NMNAT3: variants seen among roughly 807,000 people sequenced by gnomAD.
NMNAT3 encodes nicotinamide nucleotide adenylyltransferase 3.
NMNAT3 carries 21 observed loss-of-function variants against 24.8 expected under a neutral mutation model. That is an observed-to-expected ratio of 0.85 (90% CI 0.60 to 1.22). The LOEUF (loss-of-function observed/expected upper bound fraction) is 1.22. NMNAT3 is among the 50% of genes most tolerant of loss of function. The pLI is 0.00. For missense variants in NMNAT3, 387 were observed against 436.6 expected, an observed-to-expected ratio of 0.89 and a Z score of 1.01; for synonymous variants, 136 against 155.2, an observed-to-expected ratio of 0.88 and a Z score of 0.92.
At chr3:139,589,202 A>C (rs1368727946) in intron 3 of NMNAT3, among the ~76,000 whole-genome samples, 1 of 152,230 alleles carries the variant, frequency 6.6e-6, no homozygotes, top group Non-Finnish European at 1.5e-5. Flanking sequence ...CTAGAGGTTT[A>C]ATATAGGAGG....
At chr3:139,612,312 GCA>G (rs1403849916) in intron 3 of NMNAT3, among the ~76,000 whole-genome samples, 1 of 152,148 alleles carries the variant, frequency 6.6e-6, no homozygotes, top group Non-Finnish European at 1.5e-5. Context: ...CTCATGGCTA[GCA>G]AGAGTTCACT....
At chr3:139,640,233 G>A (rs996586336) in intron 1 of NMNAT3, among the ~76,000 whole-genome samples, 1 of 152,196 alleles carries the variant, frequency 6.6e-6, no homozygotes, top group African/African-American at 2.4e-5. Flanking sequence ...GAAGGGGCTA[G>A]TGTCCCAGTG....
intron 1 of NMNAT3, among the ~76,000 whole-genome samples, chr3:139,657,103 G>T (rs1017468246): frequency 6.6e-6 from 1 of 152,154 alleles, no homozygotes; most frequent in Admixed American, 6.5e-5. Flanking sequence ...ATCCCAAGTT[G>T]TGGTACTAGG....
At chr3:139,596,791 C>T (rs747634728) in intron 3 of NMNAT3, among the ~76,000 whole-genome samples, 2 of 151,496 alleles carry the variant, frequency 1.3e-5, no homozygotes, top group South Asian at 2.1e-4. Context: ...CAGAGCAGGC[C>T]GAGCTGCTGC....
rs1559842322 is a variant in NMNAT3 at position 139,561,165 on chromosome 3, C to T, written c.886G>A (p.Ala296Thr). Residue 296 changes from alanine (A) to threonine (T), a missense_variant, in exon 7 of 7, where the codon GCC becomes ACC. Transcript: ENST00000643695. ...CCCAAGGCTCGCCTGATGTATGTGG[C>T]ACTGATCTCATTCTGCACAGGCTCC... 1.3e-5 allele frequency: 21 copies of T among 1,614,060 alleles called. No homozygotes were observed. The highest frequency in any genetic ancestry group is 1.7e-5 in the Non-Finnish European group (20 of 1,180,042).
intron 1 of NMNAT3, among the ~76,000 whole-genome samples, chr3:139,643,309 C>T (rs2056768250): frequency 2.6e-5 from 4 of 152,118 alleles, no homozygotes; most frequent in Admixed American, 2.0e-4. Context: ...TATGGAGGTT[C>T]CTTAAAAGAT....
chr3:139,657,016 A>G (rs541430950), intron 1 of NMNAT3, among the ~76,000 whole-genome samples: 1 of 152,332 alleles, frequency 6.6e-6, no homozygotes, highest in East Asian at 1.9e-4. Context: ...TATCTTTAAT[A>G]TTTGCAGATA....
chr3:139,641,352 T>G (rs541254350), intron 1 of NMNAT3, among the ~76,000 whole-genome samples: 2 of 152,362 alleles, frequency 1.3e-5, no homozygotes, highest in East Asian at 3.9e-4. Context: ...CTATGCTACG[T>G]CTTAGCTGAT....
intron 1 of NMNAT3, among the ~76,000 whole-genome samples, chr3:139,669,149 C>T (rs896145667): frequency 1.3e-5 from 2 of 152,112 alleles, no homozygotes; most frequent in Non-Finnish European, 2.9e-5. Flanking sequence ...TGCTATTCCT[C>T]TTCTATGCAT....
At chr3:139,672,674 AC>A (rs1358731663) in intron 1 of NMNAT3, 1 of 152,238 alleles carries the variant, frequency 6.6e-6, no homozygotes, top group Non-Finnish European at 1.5e-5. Context: ...TGCAGAGAAG[AC>A]GGCAGCTCAT....
intron 3 of NMNAT3, among the ~76,000 whole-genome samples, chr3:139,594,012 C>T (rs1422069732): frequency 2.0e-5 from 3 of 151,376 alleles, no homozygotes; most frequent in East Asian, 1.9e-4. Flanking sequence ...AAAAAATTAA[C>T]GAATCCAGGA....
intron 2 of NMNAT3, chr3:139,634,998 T>G: frequency 6.6e-6 from 1 of 152,334 alleles, no homozygotes; most frequent in South Asian, 2.1e-4. Flanking sequence ...GTGAGCCACA[T>G]AGAAAGTGGA....
At chr3:139,642,069 C>G (rs2056722932) in intron 1 of NMNAT3, among the ~76,000 whole-genome samples, 5 of 152,192 alleles carry the variant, frequency 3.3e-5, no homozygotes. Flanking sequence ...TTTTCTGTCT[C>G]TTCTTTCCCT....
At chr3:139,585,526 T>G (rs1321084382) in intron 3 of NMNAT3, among the ~76,000 whole-genome samples, 1 of 152,258 alleles carries the variant, frequency 6.6e-6, no homozygotes, top group Non-Finnish European at 1.5e-5. Flanking sequence ...CCTAGTTATT[T>G]TTCAATGTTT....
At chr3:139,562,820 C>T (rs1442012839) in intron 6 of NMNAT3, among the ~76,000 whole-genome samples, 4 of 152,192 alleles carry the variant, frequency 2.6e-5, no homozygotes, top group Admixed American at 1.3e-4. Flanking sequence ...TCATTTAAAG[C>T]AACATATGCA....
At chr3:139,656,114 G>A (rs1470655618) in intron 1 of NMNAT3, among the ~76,000 whole-genome samples, 1 of 152,202 alleles carries the variant, frequency 6.6e-6, no homozygotes, top group South Asian at 2.1e-4. Flanking sequence ...CTGCCTTTCT[G>A]CCCTGGTTAG....
At chr3:139,595,845 A>T (rs1304683985) in intron 3 of NMNAT3, among the ~76,000 whole-genome samples, 1 of 152,246 alleles carries the variant, frequency 6.6e-6, no homozygotes, top group Non-Finnish European at 1.5e-5. Flanking sequence ...TTAGAGCTAA[A>T]ACCATAAAAA....
intron 2 of NMNAT3, chr3:139,636,153 A>G (rs2056492052): frequency 6.6e-6 from 1 of 152,160 alleles, no homozygotes; most frequent in South Asian, 2.1e-4. Flanking sequence ...CCATTTTTCT[A>G]TTATACACAG....
Position 139,587,731 on chromosome 3 carries a change from G to A in NMNAT3, c.110-4523C>T, listed in dbSNP as rs551931704. 6.6e-5 allele frequency among the ~76,000 whole-genome samples: 10 copies of A among 152,258 alleles called. No homozygotes were observed. In the South Asian group the frequency reaches 1.5e-3, roughly 22 times the overall value. ...AAAGCAAAGTAAGTTATCTTTCTGC[G>A]CATCTGAGCTCATGTTATACATGGG... On this transcript the variant is annotated intron_variant, in intron 3 of 6. Transcript: ENST00000643695.
Sources: allele counts gnomAD v4.1 joint callset (sites outside exome capture counted in the v4.1 genomes callset), GRCh38; gene constraint gnomAD v4.1.1; transcripts MANE v1.5; gene names NCBI Gene and HGNC (gene_info 2026-07-23, HGNC 2026-07-21).